THUMPD3: variants seen among roughly 807,000 people sequenced by gnomAD.
THUMPD3 encodes tRNA (guanine(6)-N(2))-methyltransferase THUMP3.
A neutral mutation model predicts 54.5 loss-of-function variants in THUMPD3; 44 were observed. The observed-to-expected ratio is 0.81, with a 90% CI of 0.63 to 1.04. The LOEUF is 1.04. THUMPD3 is among the 50% of genes least tolerant of loss of function. The probability of loss-of-function intolerance (pLI) is 0.00; values close to 1 mark genes in which losing one functional copy is unlikely to be tolerated. For missense variants in THUMPD3, 604 were observed against 601.3 expected (o/e 1.00, Z -0.05); for synonymous variants, 196 against 201.4 (o/e 0.97, Z 0.23).
chr3:9,365,305 G>A lies in THUMPD3; in HGVS notation c.237G>A (p.Val79=), dbSNP rs140627739. 3.3e-5 allele frequency: 53 copies of A among 1,614,188 alleles called. No homozygotes were observed. The highest frequency in any genetic ancestry group is 9.3e-6 in the Non-Finnish European group (11 of 1,180,032). The change falls in exon 2 of 10, where the codon GTG becomes GTA. Residue 79 remains valine (V), a synonymous_variant. Coordinates refer to ENST00000452837, the MANE Select transcript of THUMPD3 (RefSeq NM_001114092.2). ...GCAAGATATATTTTGTCATTTCAGT[G>A]GAAAGTCTGGCACAGGTTTGAATGG... ...DRGKIYFVIS[V]ESLAQVHCLR...
rs751932723 is a variant in THUMPD3 at position 9,371,393 on chromosome 3, C to A, written c.664C>A (p.Pro222Thr). The change falls in exon 4 of 10, where the codon CCT becomes ACT. Residue 222 changes from proline (P) to threonine (T), a missense_variant. Pro to Thr is a conservative substitution (Grantham distance 38, BLOSUM62 -1). Coordinates refer to ENST00000452837, the MANE Select transcript of THUMPD3 (RefSeq NM_001114092.2). ...TDESSKEETEPQVLKFRVTCN... is the reference protein window; with the variant it reads ...TDESSKEETETQVLKFRVTCN... ...TGAAAGCTCAAAAGAAGAAACTGAG[C>A]CTCAAGTGCTGAAGTTTAGAGTCAC... 3 of 1,614,014 alleles carry A rather than the reference C, an allele frequency of 1.9e-6. No homozygotes were observed. In the African/African-American group the frequency reaches 4.0e-5, roughly 22 times the overall value.
chr3:9,363,607 A>T (rs998929213), intron 1 of THUMPD3: 2 of 151,746 alleles, frequency 1.3e-5, no homozygotes, highest in African/African-American at 4.8e-5. Flanking sequence ...CACCTCTCTA[A>T]TACTTCCCCC....
At chr3:9,381,229 G>A (rs184694120) in intron 7 of THUMPD3, among the ~76,000 whole-genome samples, 1 of 152,276 alleles carries the variant, frequency 6.6e-6, no homozygotes, top group Non-Finnish European at 1.5e-5. Context: ...ACCACACCTG[G>A]ACCATAGTCT....
chr3:9,374,597 C>T lies in THUMPD3; in HGVS notation c.889C>T (p.His297Tyr), dbSNP rs2032317318. 2 of 1,614,082 alleles carry T rather than the reference C, an allele frequency of 1.2e-6. No individual in the cohort carries two copies. Among genetic ancestry groups the T allele is most frequent in the African/African-American group, 1.3e-5 (1 of 75,026 alleles). Residue 297 changes from histidine (H) to tyrosine (Y), a missense_variant, in exon 5 of 10, where the codon CAT (histidine) becomes TAT (tyrosine). Transcript: ENST00000452837. ...GAGTCTCCACCGAAGAAATATAACA[C>T]ATTTTGGACCTACAACTCTTAGATC... ...EESLHRRNIT[H>Y]FGPTTLRSTL...
intron 3 of THUMPD3, among the ~76,000 whole-genome samples, 164 bp from the exon 4 acceptor site, chr3:9,370,896 C>T (rs1334464578): frequency 1.3e-5 from 2 of 151,884 alleles, no homozygotes; most frequent in Admixed American, 1.3e-4. Context: ...GACACTATAC[C>T]ATTTTATATG....
intron 7 of THUMPD3, among the ~76,000 whole-genome samples, chr3:9,381,242 A>G (rs1266315856): frequency 6.6e-6 from 1 of 152,212 alleles, no homozygotes; most frequent in Admixed American, 6.5e-5. Context: ...CATAGTCTTT[A>G]AAGTCACTAC....
At chr3:9,364,893 T>G (rs1201884904) in intron 1 of THUMPD3, 123 bp from the exon 2 acceptor site, 2 of 730,784 alleles carry the variant, frequency 2.7e-6, no homozygotes, top group Admixed American at 6.1e-5. Flanking sequence ...CAACCCTTTT[T>G]ACTTTGGTGA....
chr3:9,365,467 A>G, intron 2 of THUMPD3, 147 bp downstream of exon 2: 1 of 1,021,114 alleles, frequency 9.8e-7, no homozygotes, highest in South Asian at 1.7e-5. Context: ...TTTTCTATTG[A>G]GTACTGATTT....
At position 9,383,189 on chromosome 3, in the gene THUMPD3, G is replaced by A; in HGVS notation, c.1125-10G>A. 1 of 1,602,936 alleles carries A rather than the reference G, an allele frequency of 6.2e-7. No individual in the cohort carries two copies. Among genetic ancestry groups the A allele is most frequent in the Non-Finnish European group, 8.5e-7 (1 of 1,170,412 alleles). On this transcript the variant is annotated splice_polypyrimidine_tract_variant and intron_variant, in intron 7 of 9. Coordinates refer to ENST00000452837, the MANE Select transcript of THUMPD3 (RefSeq NM_001114092.2). ...CAGTATGTTGAAGCACCTTTCCTTT[G>A]TCCCCACAGCAAACCCTCCTGGGGC... is the stretch of plus-strand genomic sequence containing the variant.
chr3:9,377,802 T>C lies in THUMPD3; in HGVS notation c.939-17T>C, dbSNP rs770295073. The C allele has an allele frequency of 7.6e-5, 122 of 1,609,548 alleles. No homozygotes were observed. The highest frequency in any genetic ancestry group is 1.0e-4 in the Non-Finnish European group (122 of 1,176,194). On this transcript the variant is annotated splice_polypyrimidine_tract_variant and intron_variant, in intron 5 of 9. Coordinates refer to ENST00000452837, the MANE Select transcript of THUMPD3 (RefSeq NM_001114092.2). ...CTTTTGAGTGAGTCTTCACATAGGC[T>C]GTTTTCTTTTCTCTAGGCTCTGTGA...
At chr3:9,379,606 C>A (rs917435549) in intron 6 of THUMPD3, among the ~76,000 whole-genome samples, 1 of 152,176 alleles carries the variant, frequency 6.6e-6, no homozygotes, top group African/African-American at 2.4e-5. Flanking sequence ...TTATGTTCTG[C>A]TGACAGGTTT....
intron 3 of THUMPD3, among the ~76,000 whole-genome samples, chr3:9,367,977 A>T (rs1244179042): frequency 6.6e-6 from 1 of 152,112 alleles, no homozygotes; most frequent in East Asian, 1.9e-4. Context: ...AGGCAGGAGA[A>T]TGGCGTGAAC....
At chr3:9,368,468 T>C (rs941921747) in intron 3 of THUMPD3, among the ~76,000 whole-genome samples, 3 of 151,250 alleles carry the variant, frequency 2.0e-5, no homozygotes, top group Admixed American at 6.6e-5. Context: ...GTTCAAGCGA[T>C]TCTCCTGCCT....
intron 2 of THUMPD3, among the ~76,000 whole-genome samples, chr3:9,365,988 G>A (rs1413600222): frequency 3.3e-5 from 5 of 152,070 alleles, no homozygotes; most frequent in Admixed American, 3.3e-4. Context: ...ATTTTTAGAT[G>A]TGGGCTGCTC....
intron 7 of THUMPD3, among the ~76,000 whole-genome samples, chr3:9,381,778 TTTTTTTTTTTTTTTTTTTTG>T (rs1254110886): frequency 2.4e-3 from 170 of 69,688 alleles, no homozygotes; most frequent in Non-Finnish European, 3.6e-3. Context: ...TTTTTTTTTT[TTTTTTTTTTTTTTTTTTTTG>T]AGACGGAGTC....
At position 9,374,410 on chromosome 3, in the gene THUMPD3, C is replaced by G. The variant is rs960106887; in HGVS notation, c.808-106C>G. 9 of 1,386,886 alleles carry G rather than the reference C, an allele frequency of 6.5e-6. No individual in the cohort carries two copies. The Admixed American group carries it at 8.3e-5, about 13-fold the overall frequency. The allele number at this position is 1,386,886 out of a possible 1,614,324, so 85.9% of individuals were successfully genotyped here. On this transcript the variant is annotated intron_variant, in intron 4 of 9. Transcript: ENST00000452837. The stretch of plus-strand genomic sequence containing the variant: ...TGACCTCCCAGGAGTAGGGGACCAA[C>G]AGGTTGCCTAAGGAGGGGTGAACCG...
At chr3:9,367,701 C>T (rs929873717) in intron 3 of THUMPD3, among the ~76,000 whole-genome samples, 1 of 152,254 alleles carries the variant, frequency 6.6e-6, no homozygotes, top group East Asian at 1.9e-4. Context: ...ATTTCCAAAA[C>T]GTTATTCAAA....
intron 4 of THUMPD3, among the ~76,000 whole-genome samples, chr3:9,372,947 T>C (rs1457165125): frequency 1.3e-5 from 2 of 152,168 alleles, no homozygotes; most frequent in African/African-American, 4.8e-5. Context: ...TTCCTTTTTT[T>C]CCTCATACAC....
chr3:9,371,450 A>T lies in THUMPD3; in HGVS notation c.721A>T (p.Thr241Ser). 6.2e-7 allele frequency: 1 copy of T among 1,614,192 alleles called. No individual in the cohort carries two copies. The highest frequency in any genetic ancestry group is 8.5e-7 in the Non-Finnish European group (1 of 1,180,028). The change falls in exon 4 of 10, where the codon ACC becomes TCC. Residue 241 changes from threonine to serine, a missense_variant. By Grantham distance (58) the Thr-to-Ser change is moderately conservative (BLOSUM62 1). Transcript: ENST00000452837. ...CAGGGCAGGAGAGAAACATTGCTTT[A>T]CCTCAAATGAGGCTGCAAGAGATTT... ...CNRAGEKHCF[T>S]SNEAARDFGG...
Sources: gnomAD v4.1 joint callset for allele counts (sites outside exome capture counted in the v4.1 genomes callset) on GRCh38, gnomAD v4.1.1 for gene constraint, MANE v1.5 for transcripts, NCBI Gene and HGNC (gene_info 2026-07-23, HGNC 2026-07-21) for gene names.